BTAF1: variants seen among roughly 807,000 people sequenced by gnomAD.
BTAF1 encodes B-TFIID TATA-box binding protein associated factor 1.
In BTAF1, 38 loss-of-function variants were observed where a neutral mutation model predicts 227.1. That is an observed-to-expected ratio of 0.17 (90% CI 0.13 to 0.22). The LOEUF (loss-of-function observed/expected upper bound fraction) is 0.22. Among genes scored for constraint, BTAF1 ranks in the 10% least tolerant of loss-of-function variants. The pLI is 1.00. For missense variants in BTAF1, 1,598 were observed against 2,204.0 expected (o/e 0.73, Z 5.51); for synonymous variants, 742 against 751.9 (o/e 0.99, Z 0.21).
intron 1 of BTAF1, among the ~76,000 whole-genome samples, chr10:91,924,354 C>T (rs572862277): frequency 2.9e-4 from 44 of 152,282 alleles, no homozygotes; most frequent in Middle Eastern, 3.4e-3. Flanking sequence ...CACCATGTTT[C>T]TGTTCTCTGG....
At chr10:92,007,511 C>T (rs1218718413) in intron 25 of BTAF1, among the ~76,000 whole-genome samples, 2 of 152,112 alleles carry the variant, frequency 1.3e-5, no homozygotes, top group Non-Finnish European at 2.9e-5. Context: ...GTGCGAGCCA[C>T]CATGCCTCGC....
intron 7 of BTAF1, 128 bp downstream of exon 7, chr10:91,956,785 T>C: frequency 1.0e-6 from 1 of 974,616 alleles, no homozygotes. Context: ...GGTCAGGAGC[T>C]TGAGACCAGC....
chr10:91,929,427 C>A (rs879848338), intron 1 of BTAF1, among the ~76,000 whole-genome samples: 3 of 152,188 alleles, frequency 2.0e-5, no homozygotes, highest in Non-Finnish European at 2.9e-5. Context: ...GAAAATGTTA[C>A]AGTGTTCAGA....
At chr10:92,027,333 A>G in intron 37 of BTAF1, 33 bp downstream of exon 37, 12 of 1,558,728 alleles carry the variant, frequency 7.7e-6, no homozygotes, top group Non-Finnish European at 1.0e-5. Context: ...TGTATCTTTG[A>G]GTCACAGGCT....
intron 19 of BTAF1, among the ~76,000 whole-genome samples, chr10:91,986,319 CCAG>C (rs1372252857): frequency 6.6e-6 from 1 of 152,114 alleles, no homozygotes; most frequent in Non-Finnish European, 1.5e-5. Context: ...TTTCCTTATG[CCAG>C]CATCCATGCT....
intron 32 of BTAF1, 112 bp downstream of exon 32, chr10:92,014,141 A>ATCT (rs1850545512): frequency 9.1e-7 from 1 of 1,098,666 alleles, no homozygotes; most frequent in Non-Finnish European, 1.3e-6. Context: ...TATCAGATGC[A>ATCT]GATAAAGCCT....
At chr10:91,931,910 C>T (rs1844298956) in intron 1 of BTAF1, among the ~76,000 whole-genome samples, 1 of 152,154 alleles carries the variant, frequency 6.6e-6, no homozygotes, top group Non-Finnish European at 1.5e-5. Flanking sequence ...TGTCTCCATT[C>T]CTCTATTCAG....
intron 12 of BTAF1, among the ~76,000 whole-genome samples, chr10:91,963,406 G>T (rs1389029270): frequency 6.8e-6 from 1 of 147,136 alleles, no homozygotes; most frequent in African/African-American, 2.5e-5. Context: ...ACGACAGAGC[G>T]AGACTCCGTC....
chr10:92,012,918 T>G (rs540379607), intron 30 of BTAF1, among the ~76,000 whole-genome samples: 1 of 152,324 alleles, frequency 6.6e-6, no homozygotes, highest in East Asian at 1.9e-4. Flanking sequence ...TTTACTTGGT[T>G]CAGACATCGG....
chr10:91,941,774 CATG>C (rs1369231163), intron 3 of BTAF1, among the ~76,000 whole-genome samples: 1 of 152,202 alleles, frequency 6.6e-6, no homozygotes, highest in Non-Finnish European at 1.5e-5. Flanking sequence ...GTAGAGACAG[CATG>C]ATATTTAACA....
At chr10:91,960,739 G>C (rs1035247634) in intron 11 of BTAF1, among the ~76,000 whole-genome samples, 9 of 152,096 alleles carry the variant, frequency 5.9e-5, no homozygotes, top group South Asian at 2.1e-4. Flanking sequence ...ACTAGAACTA[G>C]AAACTAAATG....
At chr10:91,924,285 A>C (rs1215506975) in intron 1 of BTAF1, among the ~76,000 whole-genome samples, 195 bp downstream of exon 1, 1 of 152,076 alleles carries the variant, frequency 6.6e-6, no homozygotes. Context: ...TCGGTTCAAT[A>C]ATGCCTTTTT....
intron 10 of BTAF1, 42 bp from the exon 11 acceptor site, chr10:91,959,936 C>A (rs770989822): frequency 1.2e-6 from 2 of 1,600,206 alleles, no homozygotes; most frequent in Admixed American, 3.5e-5. Flanking sequence ...CTACAAAATA[C>A]GTTTTTTGCA....
chr10:91,953,916 C>T, intron 6 of BTAF1, 43 bp downstream of exon 6: 1 of 1,605,624 alleles, frequency 6.2e-7, no homozygotes, highest in Non-Finnish European at 8.5e-7. Context: ...CAAGAGGGCT[C>T]TGTGGCTTTA....
intron 7 of BTAF1, 94 bp from the exon 8 acceptor site, chr10:91,957,131 T>G (rs1235375577): frequency 3.2e-6 from 3 of 952,096 alleles, no homozygotes; most frequent in Non-Finnish European, 4.9e-6. Flanking sequence ...TGATTGCTAC[T>G]ACTAGACCTA....
chr10:91,955,743 A>G (rs555411957), intron 6 of BTAF1, among the ~76,000 whole-genome samples: 1 of 152,334 alleles, frequency 6.6e-6, no homozygotes, highest in South Asian at 2.1e-4. Flanking sequence ...TAACAAGTTC[A>G]GGGACTTAAG....
At chr10:91,977,489 C>T (rs979289083) in intron 14 of BTAF1, among the ~76,000 whole-genome samples, 1 of 152,062 alleles carries the variant, frequency 6.6e-6, no homozygotes, top group Non-Finnish European at 1.5e-5. Context: ...ATTCACCTAC[C>T]GAAGACATCT....
intron 19 of BTAF1, 27 bp from the exon 20 acceptor site, chr10:91,989,127 A>T: frequency 6.4e-7 from 1 of 1,565,472 alleles, no homozygotes; most frequent in Non-Finnish European, 8.7e-7. Context: ...ATGATTAATG[A>T]TTTTTAATTT....
chr10:91,996,289 T>C, intron 23 of BTAF1, 80 bp from the exon 24 acceptor site: 1 of 1,269,524 alleles, frequency 7.9e-7, no homozygotes, highest in South Asian at 1.4e-5. Context: ...TTGAAAACTT[T>C]CCTGAGTATG....
Sources: allele counts gnomAD v4.1 joint callset (sites outside exome capture counted in the v4.1 genomes callset), GRCh38; gene constraint gnomAD v4.1.1; transcripts MANE v1.5; gene names NCBI Gene and HGNC (gene_info 2026-07-23, HGNC 2026-07-21).